MAP3K15: variants seen among roughly 807,000 people sequenced by gnomAD.
MAP3K15 encodes the protein mitogen-activated protein kinase kinase kinase 15, also known as MAPK/ERK kinase kinase 15.
A neutral mutation model predicts 99.5 loss-of-function variants in MAP3K15; 124 were observed. That is an observed-to-expected ratio of 1.25 (90% CI 1.08 to 1.45). MAP3K15 has a LOEUF of 1.45. Ranked by LOEUF, MAP3K15 falls within the 40% of genes most tolerant of loss-of-function variation. The probability of loss-of-function intolerance (pLI) is 0.00; values close to 1 mark genes in which losing one functional copy is unlikely to be tolerated. For missense variants in MAP3K15, 1,242 were observed against 1,079.7 expected (o/e 1.15, Z -2.11); for synonymous variants, 494 against 439.6 (o/e 1.12, Z -1.55).
At chrX:19,486,194 A>G (rs997259434) in intron 3 of MAP3K15, among the ~76,000 whole-genome samples, 3 of 111,694 alleles carry the variant, frequency 2.7e-5, no homozygotes, top group South Asian at 7.5e-4. Context: ...CCAGATCAGA[A>G]GGAGTCACCC....
intron 9 of MAP3K15, among the ~76,000 whole-genome samples, chrX:19,425,001 T>G (rs1418706317): frequency 9.1e-6 from 1 of 110,486 alleles, no homozygotes; most frequent in Non-Finnish European, 1.9e-5. Context: ...TGAGAACCAC[T>G]GATACAGAAA....
chrX:19,493,800 G>A lies in MAP3K15; in HGVS notation c.362-4833C>T, dbSNP rs761515939. Among the ~76,000 whole-genome samples the A allele has an allele frequency of 6.3e-5, 7 of 110,997 alleles. No individual in the cohort carries two copies. The South Asian group carries it at 1.5e-3, about 24-fold the overall frequency. On this transcript the variant is annotated intron_variant, in intron 1 of 28. Transcript: ENST00000338883. The stretch of plus-strand genomic sequence containing the variant: ...GAGGTTAACAGACTCGCCCAAGGTC[G>A]CTCAAGTACAGCATGAACAAGTCAG...
chrX:19,493,104 G>T (rs917359883), intron 1 of MAP3K15, among the ~76,000 whole-genome samples: 2 of 110,843 alleles, frequency 1.8e-5, no homozygotes, highest in African/African-American at 6.6e-5. Context: ...AGACAAAGGG[G>T]AATAGCGGAA....
chrX:19,461,283 C>T (rs1018094883), intron 4 of MAP3K15, among the ~76,000 whole-genome samples: 15 of 111,396 alleles, frequency 1.3e-4, no homozygotes, highest in South Asian at 3.8e-4. Flanking sequence ...CCAGCCAGAA[C>T]GGGGTTTCAC....
In MAP3K15 at chrX:19,361,356, T is replaced by C; in HGVS notation, c.3840A>G (p.Leu1280=). 8.3e-7 allele frequency: 1 copy of C among 1,206,955 alleles called. No homozygotes were observed. The highest frequency in any genetic ancestry group is 1.1e-6 in the Non-Finnish European group (1 of 891,516). Residue 1280 remains leucine (L), a synonymous_variant, in exon 28 of 29, where the codon CTA becomes CTG. Transcript: ENST00000338883. Reference sequence around the variant, plus strand: ...GCTCTTACCGTAGTCGAAGGTATCTTAGATCTTCCTTAGTGATCTCATTAA... The same window carrying C: ...GCTCTTACCGTAGTCGAAGGTATCTCAGATCTTCCTTAGTGATCTCATTAA... ...DILNEITKED[L]RYLRLRGGLL...
chrX:19,368,404 G>A (rs932098413), intron 25 of MAP3K15, among the ~76,000 whole-genome samples: 3 of 112,843 alleles, frequency 2.7e-5, no homozygotes, highest in South Asian at 7.2e-4. Context: ...GCCTCTCAAA[G>A]TGTTGGGATT....
intron 3 of MAP3K15, among the ~76,000 whole-genome samples, chrX:19,466,008 C>A (rs943605177): frequency 1.8e-5 from 2 of 109,969 alleles, no homozygotes; most frequent in African/African-American, 6.6e-5. Context: ...GGCTGCAGTG[C>A]GGTGGCACAA....
intron 3 of MAP3K15, among the ~76,000 whole-genome samples, chrX:19,466,512 A>G (rs1275695316): frequency 8.9e-6 from 1 of 111,871 alleles, no homozygotes; most frequent in African/African-American, 3.2e-5. Context: ...TGAAGAAGGT[A>G]TCTTGCCTGC....
chrX:19,467,785 T>C, intron 3 of MAP3K15, among the ~76,000 whole-genome samples: 1 of 104,428 alleles, frequency 9.6e-6, no homozygotes, highest in South Asian at 4.7e-4. Flanking sequence ...ACCGAGATCG[T>C]ACCACTGCAC....
At chrX:19,464,842 G>A (rs966299728) in intron 3 of MAP3K15, among the ~76,000 whole-genome samples, 1 of 111,569 alleles carries the variant, frequency 9.0e-6, no homozygotes, top group African/African-American at 3.3e-5. Context: ...TATAAACTTT[G>A]TGGAATAAAA....
At chrX:19,494,410 C>T (rs1265951312) in intron 1 of MAP3K15, among the ~76,000 whole-genome samples, 1 of 111,959 alleles carries the variant, frequency 8.9e-6, no homozygotes, top group Non-Finnish European at 1.9e-5. Context: ...AAACCAGTTA[C>T]AATGACCTCA....
At position 19,373,654 on chromosome X, in the gene MAP3K15, C is replaced by T. The variant is rs2063396378; in HGVS notation, c.2815G>A (p.Glu939Lys). ...GVVLALPTQG[E>K]PMATSSSEHG... Reference sequence around the variant, plus strand: ...TCGCTGCTGCTGGTGGCCATGGGCTCTCCCTGTGTGGGCAGGGCCAGGACG... The same window carrying T: ...TCGCTGCTGCTGGTGGCCATGGGCTTTCCCTGTGTGGGCAGGGCCAGGACG... The change falls in exon 21 of 29, where the codon GAG (glutamate) becomes AAG (lysine). Residue 939 changes from glutamate (E) to lysine (K), a missense_variant. By Grantham distance (56) the Glu-to-Lys change is moderately conservative. Coordinates refer to ENST00000338883, the MANE Select transcript of MAP3K15 (RefSeq NM_001001671.4). 5.8e-6 allele frequency: 7 copies of T among 1,201,792 alleles called. No homozygotes were observed. Among genetic ancestry groups the T allele is most frequent in the Non-Finnish European group, 6.7e-6 (6 of 893,509 alleles).
At chrX:19,483,581 T>C (rs1484842379) in intron 3 of MAP3K15, among the ~76,000 whole-genome samples, 2 of 110,538 alleles carry the variant, frequency 1.8e-5, no homozygotes, top group African/African-American at 6.6e-5. Context: ...TGTGTGTGTG[T>C]GTGTGTTAAT....
At chrX:19,411,760 G>C (rs1428492304) in intron 11 of MAP3K15, among the ~76,000 whole-genome samples, 1 of 111,538 alleles carries the variant, frequency 9.0e-6, no homozygotes, top group African/African-American at 3.3e-5. Context: ...CTGAGGAGGG[G>C]TGTGCCTGGC....
At chrX:19,420,861 T>A (rs2063778337) in intron 9 of MAP3K15, among the ~76,000 whole-genome samples, 1 of 111,973 alleles carries the variant, frequency 8.9e-6, no homozygotes, top group Admixed American at 9.5e-5. Context: ...ATCCCTGGGA[T>A]GCAAGGCTGG....
chrX:19,452,843 T>C (rs1602321559), intron 6 of MAP3K15, among the ~76,000 whole-genome samples: 3 of 111,236 alleles, frequency 2.7e-5, no homozygotes, highest in Admixed American at 9.5e-5. Flanking sequence ...TGAGGTTTTC[T>C]TGCAATTTTT....
chrX:19,426,629 A>T (rs1367570114), intron 7 of MAP3K15, among the ~76,000 whole-genome samples: 1 of 109,350 alleles, frequency 9.1e-6, no homozygotes, highest in Non-Finnish European at 1.9e-5. Flanking sequence ...AGCCTGGCCA[A>T]AACGGTGAAA....
intron 13 of MAP3K15, among the ~76,000 whole-genome samples, chrX:19,401,345 C>A (rs1037967024): frequency 2.7e-5 from 3 of 110,617 alleles, no homozygotes; most frequent in Non-Finnish European, 5.7e-5. Context: ...ACTACAGGCA[C>A]CCATCACCAA....
intron 11 of MAP3K15, among the ~76,000 whole-genome samples, chrX:19,412,475 G>C (rs772474218): frequency 1.8e-5 from 2 of 111,228 alleles, no homozygotes; most frequent in South Asian, 7.6e-4. Context: ...TTGGATAATC[G>C]GAAGAAGGAA....
Sources: gnomAD v4.1 joint callset for allele counts (sites outside exome capture counted in the v4.1 genomes callset) on GRCh38, gnomAD v4.1.1 for gene constraint, MANE v1.5 for transcripts, NCBI Gene and HGNC (gene_info 2026-07-23, HGNC 2026-07-21) for gene names.